The following COL4A3 variants were observed in gnomAD, a reference collection of about 807,000 sequenced individuals.
COL4A3 encodes collagen alpha-3(IV) chain.
A neutral mutation model predicts 217.4 loss-of-function variants in COL4A3; 135 were observed. The ratio of observed to expected loss-of-function variants is 0.62; its 90% confidence interval spans 0.54 to 0.72. The LOEUF (loss-of-function observed/expected upper bound fraction) is 0.72. Ranked by LOEUF, COL4A3 falls within the 30% of genes least tolerant of loss-of-function variation. The pLI is 0.00. For synonymous variants in COL4A3, 690 were observed against 736.3 expected (o/e 0.94, Z 1.02); for missense variants, 1,868 against 2,119.9 (o/e 0.88, Z 2.33).
At chr2:227,295,188 G>C (rs750479857) in intron 40 of COL4A3, 81 bp from the exon 41 acceptor site, 1 of 1,518,666 alleles carries the variant, frequency 6.6e-7, no homozygotes, top group East Asian at 2.3e-5. Flanking sequence ...ACATGTTTTC[G>C]GTGTGTACTA....
chr2:227,296,443 G>A, intron 41 of COL4A3: 2 of 914,194 alleles, frequency 2.2e-6, no homozygotes, highest in South Asian at 1.0e-4. Flanking sequence ...CTAACAAATA[G>A]CCTAATTATG....
At chr2:227,199,633 G>A (rs948050939) in intron 1 of COL4A3, among the ~76,000 whole-genome samples, 7 of 152,166 alleles carry the variant, frequency 4.6e-5, no homozygotes, top group Admixed American at 2.6e-4. Context: ...CTGCATTGTC[G>A]TCCATAACCC....
intron 24 of COL4A3, 86 bp from the exon 25 acceptor site, chr2:227,270,684 A>G: frequency 2.2e-6 from 3 of 1,339,052 alleles, no homozygotes; most frequent in Non-Finnish European, 2.1e-6. Context: ...TTAAAATTGA[A>G]AAGTTCTTGT....
chr2:227,193,622 G>C (rs1181018114), intron 1 of COL4A3, among the ~76,000 whole-genome samples: 1 of 151,930 alleles, frequency 6.6e-6, no homozygotes, highest in Admixed American at 6.6e-5. Context: ...TGAGGCAGGA[G>C]AATCTCTTGA....
chr2:227,256,340 T>G lies in COL4A3; in HGVS notation c.934-3T>G, dbSNP rs1559872441. ...ACCCATTTCTTTTTGTTCTTTTCTT[T>G]AGGGAGTCAAGGGCAACAGGGGTTT... On this transcript the variant is annotated splice_region_variant and splice_polypyrimidine_tract_variant and intron_variant, in intron 16 of 51. Transcript: ENST00000396578. The G allele has an allele frequency of 2.5e-6, 4 of 1,613,586 alleles. No individual in the cohort carries two copies. The highest frequency in any genetic ancestry group is 3.4e-6 in the Non-Finnish European group (4 of 1,179,554).
At chr2:227,207,617 A>C (rs1203111132) in intron 1 of COL4A3, among the ~76,000 whole-genome samples, 2 of 152,220 alleles carry the variant, frequency 1.3e-5, no homozygotes, top group Non-Finnish European at 2.9e-5. Flanking sequence ...GCAGGGGCAG[A>C]AGTGACTAGT....
At chr2:227,302,843 C>T (rs186389968) in intron 43 of COL4A3, among the ~76,000 whole-genome samples, 195 bp from the exon 44 acceptor site, 195 of 152,084 alleles carry the variant, frequency 1.3e-3, no homozygotes, top group Admixed American at 2.2e-3. Context: ...ACTTTTAAAA[C>T]GATAGTCCTA....
intron 34 of COL4A3, among the ~76,000 whole-genome samples, chr2:227,288,100 T>C (rs189974442): frequency 6.0e-5 from 9 of 150,314 alleles, no homozygotes; most frequent in Admixed American, 5.9e-4. Flanking sequence ...AGTGACTATT[T>C]ATTTATTTAT....
intron 23 of COL4A3, among the ~76,000 whole-genome samples, chr2:227,267,994 C>A (rs1391982651): frequency 6.6e-6 from 1 of 152,158 alleles, no homozygotes; most frequent in Non-Finnish European, 1.5e-5. Context: ...AAGTACAAAA[C>A]GTCTCTGTTT....
chr2:227,289,122 C>G (rs1430497047), intron 34 of COL4A3, 28 bp from the exon 35 acceptor site: 2 of 1,591,294 alleles, frequency 1.3e-6, no homozygotes, highest in South Asian at 2.2e-5. Flanking sequence ...GGCTAATTTT[C>G]TTGTTAATAC....
intron 32 of COL4A3, 27 bp from the exon 33 acceptor site, chr2:227,283,740 C>T (rs1450544579): frequency 6.3e-7 from 1 of 1,584,978 alleles, no homozygotes. Context: ...ACAACACGTG[C>T]TGCTTTGTGT....
chr2:227,225,958 C>T (rs947536215), intron 1 of COL4A3, among the ~76,000 whole-genome samples: 24 of 152,174 alleles, frequency 1.6e-4, no homozygotes, highest in Non-Finnish European at 2.8e-4. Context: ...GTAATCCACC[C>T]GCCTCGGCTT....
At chr2:227,310,017 G>A (rs539741352) in intron 50 of COL4A3, among the ~76,000 whole-genome samples, 10 of 152,296 alleles carry the variant, frequency 6.6e-5, no homozygotes, top group African/African-American at 2.2e-4. Flanking sequence ...ATCATTTACA[G>A]TTTTACAAAT....
Position 227,253,685 on chromosome 2 carries a change from G to A in COL4A3, c.765+47G>A, listed in dbSNP as rs767818172. ...TAGTGTTGTGCCTTCCCGTGTCTAG[G>A]ATGAAGTCCTTGTGACCCTGCACCT... is the stretch of plus-strand genomic sequence containing the variant. On this transcript the variant is annotated intron_variant, in intron 13 of 51. Coordinates refer to ENST00000396578, the MANE Select transcript of COL4A3 (RefSeq NM_000091.5). The surrounding 1 kb of genome is among the most constrained non-coding windows in gnomAD (Gnocchi z 4.4). The A allele has an allele frequency of 1.6e-5, 24 of 1,515,736 alleles. No homozygotes were observed. Among genetic ancestry groups the A allele is most frequent in the Non-Finnish European group, 1.6e-5 (17 of 1,090,386 alleles). The allele number at this position is 1,515,736 out of a possible 1,614,324, so 93.9% of individuals were successfully genotyped here. A position where few individuals can be genotyped will look rare whatever the true frequency, so the allele number is the denominator to read the frequency against.
intron 1 of COL4A3, among the ~76,000 whole-genome samples, chr2:227,216,611 C>T (rs1005365481): frequency 6.6e-6 from 1 of 151,832 alleles, no homozygotes; most frequent in Non-Finnish European, 1.5e-5. Flanking sequence ...GAATCTTCCT[C>T]CAAAAAAAAA....
chr2:227,293,429 T>G, intron 38 of COL4A3, 112 bp downstream of exon 38: 1 of 1,237,720 alleles, frequency 8.1e-7, no homozygotes, highest in Non-Finnish European at 1.1e-6. Context: ...TGCAGTTGCT[T>G]TTATTCAACT....
rs1340505611 is a variant in COL4A3 at position 227,313,986 on chromosome 2, A to T, written c.*2116A>T. 2.0e-5 allele frequency: 3 copies of T among 152,524 alleles called. No individual in the cohort carries two copies. 9.4% of individuals were successfully genotyped at this position (152,524 alleles called of 1,614,324 possible). ...ATCTATGTTTTACCAAGCCCACCACATGATTCTGATGTACTCTAAATACTG... is the reference window on the plus strand; with the variant it reads ...ATCTATGTTTTACCAAGCCCACCACTTGATTCTGATGTACTCTAAATACTG... On this transcript the variant is annotated 3_prime_UTR_variant, in exon 52 of 52. Transcript: ENST00000396578.
chr2:227,256,336 T>A lies in COL4A3; in HGVS notation c.934-7T>A. ...TCTGACCCATTTCTTTTTGTTCTTTTCTTTAGGGAGTCAAGGGCAACAGGG... is the reference window on the plus strand; with the variant it reads ...TCTGACCCATTTCTTTTTGTTCTTTACTTTAGGGAGTCAAGGGCAACAGGG... On this transcript the variant is annotated splice_region_variant and splice_polypyrimidine_tract_variant and intron_variant, in intron 16 of 51. Coordinates refer to ENST00000396578, the MANE Select transcript of COL4A3 (RefSeq NM_000091.5). 8 of 1,613,580 alleles carry A rather than the reference T, an allele frequency of 5.0e-6. No homozygotes were observed. The highest frequency in any genetic ancestry group is 6.8e-6 in the Non-Finnish European group (8 of 1,179,550).
Position 227,297,751 on chromosome 2 carries a change from C to T in COL4A3, c.3643C>T (p.Arg1215Ter), listed in dbSNP as rs368434069. Residue 1215 changes from arginine (R) to a stop codon, truncating the protein, a stop_gained, in exon 42 of 52, where the codon CGA becomes TGA. Transcript: ENST00000396578. LOFTEE classifies it high-confidence loss of function. ...RKGAMGDAGP[R>*]GPTGIEGFPG... ...AGGGGCCATGGGAGATGCTGGACCT[C>T]GAGGACCCACAGGCATAGAAGGATT... 12 of 1,601,750 alleles carry T rather than the reference C, an allele frequency of 7.5e-6. No homozygotes were observed. In the African/African-American group the frequency reaches 8.0e-5, roughly 11 times the overall value.
Sources: allele counts gnomAD v4.1 joint callset (sites outside exome capture counted in the v4.1 genomes callset), GRCh38; gene constraint gnomAD v4.1.1; non-coding constraint Gnocchi (gnomAD v3.1); transcripts MANE v1.5; gene names NCBI Gene and HGNC (gene_info 2026-07-23, HGNC 2026-07-21).